The following ACCSL variants were observed in gnomAD, a reference collection of about 807,000 sequenced individuals.
The protein encoded by ACCSL is probable inactive 1-aminocyclopropane-1-carboxylate synthase-like protein 2.
ACCSL carries 55 observed loss-of-function variants against 61.7 expected under a neutral mutation model. The observed-to-expected ratio is 0.89, with a 90% CI of 0.72 to 1.12. The LOEUF is 1.12. Ranked by LOEUF, ACCSL falls within the 50% of genes most tolerant of loss-of-function variation. The probability of loss-of-function intolerance (pLI) is 0.00; values close to 1 mark genes in which losing one functional copy is unlikely to be tolerated. For synonymous variants in ACCSL, 258 were observed against 264.3 expected, an observed-to-expected ratio of 0.98 and a Z score of 0.23; for missense variants, 632 against 698.0, an observed-to-expected ratio of 0.91 and a Z score of 1.07.
the ACCSL span, among the ~76,000 whole-genome samples, chr11:44,029,186 C>A: frequency 6.6e-6 from 1 of 152,258 alleles, no homozygotes; most frequent in African/African-American, 2.4e-5. Flanking sequence ...ACAAAGGCTT[C>A]TGGCCTCTCT....
chr11:44,004,529 C>A, the ACCSL span, among the ~76,000 whole-genome samples: 2 of 152,136 alleles, frequency 1.3e-5, no homozygotes, highest in Non-Finnish European at 2.9e-5. Flanking sequence ...AGCCTGTCTG[C>A]GACTCTCAAG....
At chr11:43,935,968 G>A in the ACCSL span, among the ~76,000 whole-genome samples, 2 of 152,164 alleles carry the variant, frequency 1.3e-5, no homozygotes, top group Non-Finnish European at 2.9e-5. Context: ...CTGAGCCCCT[G>A]CAAACCCAGC....
the ACCSL span, among the ~76,000 whole-genome samples, chr11:43,977,351 AT>A: frequency 3.3e-5 from 5 of 152,350 alleles, no homozygotes; most frequent in African/African-American, 1.2e-4. Flanking sequence ...TGAGTGTCCA[AT>A]GTAGTCACAA....
At chr11:43,986,966 A>C in the ACCSL span, among the ~76,000 whole-genome samples, 3 of 152,170 alleles carry the variant, frequency 2.0e-5, no homozygotes, top group African/African-American at 7.2e-5. Flanking sequence ...AGCCAGAGAC[A>C]GTGTGATTCC....
the ACCSL span, among the ~76,000 whole-genome samples, chr11:43,928,564 T>C: frequency 3.7e-3 from 563 of 152,098 alleles, 1 homozygote; most frequent in African/African-American, 0.013. Context: ...GCCAGGAGGA[T>C]CGCTGCCTCC....
the ACCSL span, chr11:43,942,622 TG>T: frequency 3.3e-6 from 1 of 305,382 alleles, no homozygotes; most frequent in Non-Finnish European, 6.5e-6. Flanking sequence ...GCCGCGAGCC[TG>T]GCCGCCGCGG....
In ACCSL at chr11:44,048,029, C is replaced by A. The variant is rs1590427206; in HGVS notation, c.-8C>A. On this transcript the variant is annotated 5_prime_UTR_variant, in exon 1 of 14. Coordinates refer to ENST00000378832, the MANE Select transcript of ACCSL (RefSeq NM_001031854.2). The stretch of plus-strand genomic sequence containing the variant: ...CAGCCTTCAGAGGCCAGTAAAGATA[C>A]CCGGAGTATGAGTCATCGGTCAGAC... 2 of 1,601,500 alleles carry A rather than the reference C, an allele frequency of 1.2e-6. No individual in the cohort carries two copies. The highest frequency in any genetic ancestry group is 2.7e-5 in the African/African-American group (2 of 74,838).
the ACCSL span, chr11:43,943,344 T>C: frequency 1.4e-6 from 2 of 1,399,204 alleles, no homozygotes; most frequent in Non-Finnish European, 1.8e-6. This position sits in a 1 kb window ranked among gnomAD's most constrained non-coding sequence, Gnocchi z 4.8. Flanking sequence ...ACCCCGAGAG[T>C]GCCCGCGCCC....
chr11:43,987,396 G>C, the ACCSL span, among the ~76,000 whole-genome samples: 1 of 152,158 alleles, frequency 6.6e-6, no homozygotes, highest in South Asian at 2.1e-4. Context: ...TTTCAGAAAC[G>C]GCAGCTTCCG....
At chr11:44,050,203 A>G in intron 2 of ACCSL, 82 bp downstream of exon 2, 2 of 1,173,376 alleles carry the variant, frequency 1.7e-6, no homozygotes, top group Non-Finnish European at 2.6e-6. Flanking sequence ...TGGTAGATAC[A>G]GGGGTGAGAC....
At chr11:43,943,482 C>A in the ACCSL span, 12 of 1,397,212 alleles carry the variant, frequency 8.6e-6, no homozygotes, top group South Asian at 1.5e-4. The surrounding 1 kb of genome is among the most constrained non-coding windows in gnomAD (Gnocchi z 4.8). Flanking sequence ...GGGAGCGGGG[C>A]CGCTTTCCTC....
the ACCSL span, among the ~76,000 whole-genome samples, chr11:43,927,855 G>T: frequency 2.0e-5 from 3 of 152,206 alleles, no homozygotes; most frequent in East Asian, 3.8e-4. Flanking sequence ...AGAAGAAGCT[G>T]TCCTGTGCCT....
the ACCSL span, chr11:43,943,807 T>C: frequency 7.7e-7 from 1 of 1,303,022 alleles, no homozygotes; most frequent in Non-Finnish European, 1.0e-6. The surrounding 1 kb of genome is among the most constrained non-coding windows in gnomAD (Gnocchi z 4.8). Context: ...GGCATTTATT[T>C]AACGATCTTT....
chr11:43,940,846 G>A, the ACCSL span, among the ~76,000 whole-genome samples: 1 of 152,072 alleles, frequency 6.6e-6, no homozygotes. Context: ...TTCCCACCTT[G>A]TCACATGACT....
the ACCSL span, among the ~76,000 whole-genome samples, chr11:44,014,507 G>C: frequency 2.6e-5 from 4 of 151,650 alleles, no homozygotes; most frequent in African/African-American, 9.7e-5. Context: ...GAGAGAGAGA[G>C]AGAGAGAGAG....
the ACCSL span, among the ~76,000 whole-genome samples, chr11:44,041,908 A>T: frequency 6.6e-6 from 1 of 152,192 alleles, no homozygotes; most frequent in African/African-American, 2.4e-5. Context: ...ATGGGTGCTG[A>T]ATTTCGTCAG....
At chr11:43,994,405 G>C in the ACCSL span, among the ~76,000 whole-genome samples, 15 of 152,316 alleles carry the variant, frequency 9.8e-5, no homozygotes, top group African/African-American at 3.4e-4. Flanking sequence ...CTTCATCAGG[G>C]TGTCAGTGTG....
At chr11:44,029,211 A>G in the ACCSL span, among the ~76,000 whole-genome samples, 1 of 152,232 alleles carries the variant, frequency 6.6e-6, no homozygotes, top group Admixed American at 6.5e-5. Context: ...GAAAGCCAAG[A>G]TCCTTCCAGA....
the ACCSL span, among the ~76,000 whole-genome samples, chr11:43,967,986 G>A: frequency 2.6e-5 from 4 of 152,252 alleles, no homozygotes; most frequent in South Asian, 8.3e-4. Flanking sequence ...AGGGATCTCG[G>A]TTTATTATTA....
Sources: gnomAD v4.1 joint callset for allele counts (sites outside exome capture counted in the v4.1 genomes callset) on GRCh38, gnomAD v4.1.1 for gene constraint, Gnocchi (gnomAD v3.1) non-coding constraint, MANE v1.5 for transcripts, NCBI Gene and HGNC (gene_info 2026-07-23, HGNC 2026-07-21) for gene names.